The following AGAP1 variants were observed in gnomAD, a reference collection of about 807,000 sequenced individuals.
AGAP1 encodes the protein ArfGAP with GTPase domain, ankyrin repeat and PH domain 1, also known as arf-GAP with GTPase, ANK repeat and PH domain-containing protein 1.
Under a neutral mutation model 105.3 loss-of-function variants are expected in AGAP1, and 29 were observed. The ratio of observed to expected loss-of-function variants is 0.28; its 90% CI spans 0.21 to 0.38. AGAP1 has a LOEUF of 0.38. Among genes scored for constraint, AGAP1 ranks in the 10% least tolerant of loss-of-function variants. The pLI, the probability that AGAP1 is intolerant of heterozygous loss-of-function variation, is 1.00. For synonymous variants in AGAP1, 509 were observed against 485.9 expected (o/e 1.05, Z -0.63); for missense variants, 998 against 1,165.1 (o/e 0.86, Z 2.09).
intron 1 of AGAP1, among the ~76,000 whole-genome samples, chr2:235,654,514 T>C (rs1240741343): frequency 1.3e-5 from 2 of 152,320 alleles, no homozygotes; most frequent in Admixed American, 6.5e-5. Flanking sequence ...AATGGGTGCA[T>C]TGCTGTCGCA....
Position 235,608,889 on chromosome 2 carries a change from A to G in AGAP1, c.164-100290A>G, listed in dbSNP as rs77412334. Among the ~76,000 whole-genome samples, 1,928 of 152,264 alleles carry G rather than the reference A, an allele frequency of 0.013. 44 individuals are homozygous for G. The highest frequency in any genetic ancestry group is 0.043 in the African/African-American group (1,778 of 41,538). On this transcript the variant is annotated intron_variant, in intron 1 of 17. Transcript: ENST00000304032. The surrounding 1 kb of genome is among the most constrained non-coding windows in gnomAD (Gnocchi z 5.4). ...GCTGGCATGACCCACTTTTGACCGT[A>G]AAACCTTTCAGCTTGTTCTTGACTT...
At chr2:236,032,849 C>T (rs2057266220) in intron 13 of AGAP1, among the ~76,000 whole-genome samples, 1 of 152,102 alleles carries the variant, frequency 6.6e-6, no homozygotes. Context: ...GGACCAGGAG[C>T]TGAAAGGAGA....
chr2:235,715,040 G>T (rs1373125052), intron 2 of AGAP1, among the ~76,000 whole-genome samples: 1 of 152,050 alleles, frequency 6.6e-6, no homozygotes. Context: ...TTCATGATCT[G>T]CCCGCTTCGG....
At chr2:235,626,740 C>G (rs1946649347) in intron 1 of AGAP1, among the ~76,000 whole-genome samples, 1 of 152,196 alleles carries the variant, frequency 6.6e-6, no homozygotes, top group East Asian at 1.9e-4. Flanking sequence ...AGTGCACTTT[C>G]CAGAATGGGC....
chr2:235,667,328 T>G (rs1309238473), intron 1 of AGAP1, among the ~76,000 whole-genome samples: 1 of 152,160 alleles, frequency 6.6e-6, no homozygotes, highest in Non-Finnish European at 1.5e-5. Context: ...CTGTGAAAGT[T>G]TGCTAAAAAT....
At chr2:235,617,680 C>T (rs992763161) in intron 1 of AGAP1, among the ~76,000 whole-genome samples, 34 of 152,060 alleles carry the variant, frequency 2.2e-4, no homozygotes, top group South Asian at 8.3e-4. Context: ...CCAGCCTTGG[C>T]GACAGACTGA....
At chr2:235,862,297 G>T (rs2106516774) in intron 9 of AGAP1, among the ~76,000 whole-genome samples, 1 of 152,320 alleles carries the variant, frequency 6.6e-6, no homozygotes, top group African/African-American at 2.4e-5. Flanking sequence ...TAAATTATTT[G>T]TAGTAAGGAG....
rs1347511520 is a variant in AGAP1 at position 235,709,310 on chromosome 2, AGGCAACT to A, written c.222+76_222+82del. 4.6e-6 allele frequency: 7 copies of A among 1,526,844 alleles called. No homozygotes were observed. In the African/African-American group the frequency reaches 8.2e-5, roughly 18 times the overall value. 94.6% of individuals were successfully genotyped at this position (1,526,844 alleles called of 1,614,324 possible). Reference sequence around the variant, plus strand: ...TGTGCACACCCAAGCCTGCATTCCCAGGCAACTGGTCATCGCCTGGGGCCCAGAGTGG... The same window carrying A: ...TGTGCACACCCAAGCCTGCATTCCCAGGTCATCGCCTGGGGCCCAGAGTGG... On this transcript the variant is annotated intron_variant, in intron 2 of 17. Coordinates refer to ENST00000304032, the MANE Select transcript of AGAP1 (RefSeq NM_001037131.3).
chr2:235,768,896 T>C (rs1333443872), intron 6 of AGAP1, among the ~76,000 whole-genome samples: 1 of 152,204 alleles, frequency 6.6e-6, no homozygotes, highest in African/African-American at 2.4e-5. Context: ...CAGATCTGTT[T>C]CTTACAGAAG....
chr2:235,871,638 C>G lies in AGAP1; in HGVS notation c.1051-11707C>G, dbSNP rs190198576. Among the ~76,000 whole-genome samples, 242 of 152,280 alleles carry G rather than the reference C, an allele frequency of 1.6e-3. 1 individual carries two copies. The highest frequency in any genetic ancestry group is 5.0e-3 in the African/African-American group (207 of 41,562). The stretch of plus-strand genomic sequence containing the variant: ...CAGGATGCTAATTCTGTTTTTCTTA[C>G]CTGTTGCTGCATAAGGATCCACCCT... On this transcript the variant is annotated intron_variant, in intron 9 of 17. Coordinates refer to ENST00000304032, the MANE Select transcript of AGAP1 (RefSeq NM_001037131.3).
At position 235,569,699 on chromosome 2, in the gene AGAP1, A is replaced by G. The variant is rs560923345; in HGVS notation, c.163+74850A>G. Among the ~76,000 whole-genome samples, 2 of 152,258 alleles carry G rather than the reference A, an allele frequency of 1.3e-5. No homozygotes were observed. The highest frequency in any genetic ancestry group is 4.1e-4 in the South Asian group (2 of 4,826). ...GGTTTGTAGTCTTACACCTTTGCCA[A>G]ACCCTTTCTGGGTTTTGCCCCTCAC... On this transcript the variant is annotated intron_variant, in intron 1 of 17. Coordinates refer to ENST00000304032, the MANE Select transcript of AGAP1 (RefSeq NM_001037131.3). This position sits in a 1 kb window ranked among gnomAD's most constrained non-coding sequence, Gnocchi z 5.9.
At position 235,737,444 on chromosome 2, in the gene AGAP1, A is replaced by G. The variant is rs147486572; in HGVS notation, c.311-3519A>G. ...GGAATCACTGCTCCTTTTAGAGGCA[A>G]TGAAAGTTGGGCCTGGAGTCCTTTG... is the stretch of plus-strand genomic sequence containing the variant. On this transcript the variant is annotated intron_variant, in intron 3 of 17. Transcript: ENST00000304032. The surrounding 1 kb of genome is among the most constrained non-coding windows in gnomAD (Gnocchi z 4.5). Among the ~76,000 whole-genome samples, 1 of 152,306 alleles carries G rather than the reference A, an allele frequency of 6.6e-6. No individual in the cohort carries two copies. The highest frequency in any genetic ancestry group is 1.5e-5 in the Non-Finnish European group (1 of 68,030).
chr2:235,654,353 T>C (rs1021008618), intron 1 of AGAP1, among the ~76,000 whole-genome samples: 4 of 152,218 alleles, frequency 2.6e-5, no homozygotes, highest in African/African-American at 9.6e-5. Flanking sequence ...ACTGCCATGG[T>C]ATTTCCTGCA....
intron 1 of AGAP1, among the ~76,000 whole-genome samples, chr2:235,677,569 T>C (rs191160379): frequency 1.3e-5 from 2 of 152,292 alleles, no homozygotes; most frequent in African/African-American, 4.8e-5. Flanking sequence ...TGCCGGGTGT[T>C]GTGGTCAACA....
At chr2:236,007,093 T>A (rs2056347696) in intron 13 of AGAP1, among the ~76,000 whole-genome samples, 1 of 152,218 alleles carries the variant, frequency 6.6e-6, no homozygotes, top group South Asian at 2.1e-4. Flanking sequence ...AGGAAGGATT[T>A]CCATAATAGC....
rs765546619 is a variant in AGAP1 at position 235,659,280 on chromosome 2, G to A, written c.164-49899G>A. Among the ~76,000 whole-genome samples the A allele has an allele frequency of 6.6e-6, 1 of 152,060 alleles. No individual in the cohort carries two copies. Among genetic ancestry groups the A allele is most frequent in the African/African-American group, 2.4e-5 (1 of 41,408 alleles). On this transcript the variant is annotated intron_variant, in intron 1 of 17. Coordinates refer to ENST00000304032, the MANE Select transcript of AGAP1 (RefSeq NM_001037131.3). The surrounding 1 kb of genome is among the most constrained non-coding windows in gnomAD (Gnocchi z 5.0). Reference sequence around the variant, plus strand: ...ATGTCTTTCTATGTCTGTAAAATCGGGATAATAATAGTACCTACCTCTCTG... The same window carrying A: ...ATGTCTTTCTATGTCTGTAAAATCGAGATAATAATAGTACCTACCTCTCTG...
In AGAP1 at chr2:235,737,970, A is replaced by T. The variant is rs1283172705; in HGVS notation, c.311-2993A>T. On this transcript the variant is annotated intron_variant, in intron 3 of 17. Transcript: ENST00000304032. The surrounding 1 kb of genome is among the most constrained non-coding windows in gnomAD (Gnocchi z 4.5). ...CCCTTGTATCTGGGGCAACCATCAG[A>T]GGGCAGGGCTGGAGCTGGGGCCCTG... is the stretch of plus-strand genomic sequence containing the variant. 6.6e-6 allele frequency among the ~76,000 whole-genome samples: 1 copy of T among 151,916 alleles called. No homozygotes were observed. Among genetic ancestry groups the T allele is most frequent in the Non-Finnish European group, 1.5e-5 (1 of 67,982 alleles).
chr2:235,826,380 G>A (rs1163933374), intron 9 of AGAP1, among the ~76,000 whole-genome samples: 1 of 152,208 alleles, frequency 6.6e-6, no homozygotes, highest in Non-Finnish European at 1.5e-5. Context: ...CCATGCATTT[G>A]CAGGTTCATT....
At chr2:235,820,251 G>A (rs564674605) in intron 9 of AGAP1, among the ~76,000 whole-genome samples, 1 of 152,232 alleles carries the variant, frequency 6.6e-6, no homozygotes, top group Non-Finnish European at 1.5e-5. Flanking sequence ...TGTTATATTG[G>A]AGAAGTTACA....
Sources: gnomAD v4.1 joint callset for allele counts (sites outside exome capture counted in the v4.1 genomes callset) on GRCh38, gnomAD v4.1.1 for gene constraint, Gnocchi (gnomAD v3.1) non-coding constraint, MANE v1.5 for transcripts, NCBI Gene and HGNC (gene_info 2026-07-23, HGNC 2026-07-21) for gene names.